The following DRAXIN variants were observed in gnomAD, a reference collection of about 807,000 sequenced individuals.
The protein encoded by DRAXIN is dorsal repulsive axon guidance protein.
DRAXIN carries 27 observed loss-of-function variants against 33.9 expected under a neutral mutation model. The ratio of observed to expected loss-of-function variants is 0.80; its 90% CI spans 0.59 to 1.10. The LOEUF is 1.10. DRAXIN is among the 50% of genes least tolerant of loss of function. DRAXIN has a pLI of 0.00. For synonymous variants in DRAXIN, 178 were observed against 194.0 expected (o/e 0.92, Z 0.69); for missense variants, 371 against 460.8 (o/e 0.81, Z 1.78).
chr1:11,701,286 A>G (rs1284088851), intron 1 of DRAXIN, among the ~76,000 whole-genome samples: 1 of 152,212 alleles, frequency 6.6e-6, no homozygotes, highest in Non-Finnish European at 1.5e-5. Flanking sequence ...GGGTGCCAGG[A>G]GAACCCCGGC....
chr1:11,687,485 C>A (rs576182267), upstream of DRAXIN, among the ~76,000 whole-genome samples: 1 of 152,360 alleles, frequency 6.6e-6, no homozygotes, highest in Non-Finnish European at 1.5e-5. This position sits in a 1 kb window ranked among gnomAD's most constrained non-coding sequence, Gnocchi z 4.1. Flanking sequence ...GGTGACCCAC[C>A]TACCTTGGCC....
intron 1 of DRAXIN, among the ~76,000 whole-genome samples, chr1:11,697,356 G>A (rs991652785): frequency 6.6e-6 from 1 of 152,248 alleles, no homozygotes; most frequent in Non-Finnish European, 1.5e-5. Context: ...CAGATCAGCA[G>A]CTCCATGTTC....
chr1:11,719,470 T>C lies in DRAXIN; in HGVS notation c.938-114T>C, dbSNP rs970641984. ...GGGCTGCCGTGAGGAAGCTGGGTTGTAGGGCAGAATAATGAAGGCAGGAGG... is the reference window on the plus strand; with the variant it reads ...GGGCTGCCGTGAGGAAGCTGGGTTGCAGGGCAGAATAATGAAGGCAGGAGG... On this transcript the variant is annotated intron_variant, in intron 6 of 6. Coordinates refer to ENST00000294485, the MANE Select transcript of DRAXIN (RefSeq NM_198545.4). The C allele has an allele frequency of 7.9e-6, 7 of 885,368 alleles. No homozygotes were observed. The African/African-American group carries it at 1.2e-4, about 15-fold the overall frequency. The allele number at this position is 885,368 out of a possible 1,614,324, so 54.8% of individuals were successfully genotyped here. A position where few individuals can be genotyped will look rare whatever the true frequency, so the allele number is the denominator to read the frequency against.
chr1:11,697,416 T>C (rs1315687848), intron 1 of DRAXIN, among the ~76,000 whole-genome samples: 2 of 152,186 alleles, frequency 1.3e-5, no homozygotes, highest in African/African-American at 4.8e-5. Flanking sequence ...GATTGGCAAA[T>C]TCCTGAGGAC....
Position 11,725,316 on chromosome 1 carries a change from A to AAAAAAAGAC in DRAXIN, c.*5627_*5635dup, listed in dbSNP as rs1641729157. 6.6e-6 allele frequency: 1 copy of AAAAAAAGAC among 151,280 alleles called. No individual in the cohort carries two copies. The highest frequency in any genetic ancestry group is 6.6e-5 in the Admixed American group (1 of 15,244). The allele number at this position is 151,280 out of a possible 1,614,324, so 9.4% of individuals were successfully genotyped here. On this transcript the variant is annotated 3_prime_UTR_variant, in exon 7 of 7. Coordinates refer to ENST00000294485, the MANE Select transcript of DRAXIN (RefSeq NM_198545.4). ...AGGCAATACAGCGAGACCTTGTCTC[A>AAAAAAAGAC]AAAAAAGACAAAAAAAACAAAAAGA...
chr1:11,706,535 G>A lies in DRAXIN; in HGVS notation c.277G>A (p.Ala93Thr). 2 of 1,611,500 alleles carry A rather than the reference G, an allele frequency of 1.2e-6. No homozygotes were observed. Among genetic ancestry groups the A allele is most frequent in the Non-Finnish European group, 1.7e-6 (2 of 1,179,228 alleles). ...CAGGCAGGCCTCCAGGCTGCCAGAGGCTGAGGGGCTGCTGCCTGAGCAGAG... is the reference window on the plus strand; with the variant it reads ...CAGGCAGGCCTCCAGGCTGCCAGAGACTGAGGGGCTGCTGCCTGAGCAGAG... Reference protein sequence around the residue: ...ATRQASRLPEAEGLLPEQSPA... With the variant: ...ATRQASRLPETEGLLPEQSPA... Residue 93 changes from alanine (A) to threonine (T), a missense_variant, in exon 2 of 7, where the codon GCT (alanine) becomes ACT (threonine). Physicochemically the swap from Ala to Thr is moderately conservative, Grantham distance 58 (BLOSUM62 0). Coordinates refer to ENST00000294485, the MANE Select transcript of DRAXIN (RefSeq NM_198545.4). The surrounding 1 kb of genome is among the most constrained non-coding windows in gnomAD (Gnocchi z 5.5).
chr1:11,718,670 G>A (rs1641616088), intron 6 of DRAXIN, among the ~76,000 whole-genome samples: 2 of 152,096 alleles, frequency 1.3e-5, no homozygotes, highest in African/African-American at 4.8e-5. Context: ...GTCTCCCTAT[G>A]TTGCTTAGGC....
chr1:11,710,938 T>G (rs1252836376), intron 3 of DRAXIN, among the ~76,000 whole-genome samples: 103 of 76,754 alleles, frequency 1.3e-3, no homozygotes, highest in African/African-American at 1.6e-3. Context: ...AAAAAAAAGG[T>G]TTTCAAACTA....
chr1:11,692,126 C>T lies in DRAXIN; in HGVS notation c.-11+273C>T, dbSNP rs965025478. ...CTACCGCTGGACGCCCACTTTTCCA[C>T]GCTCTGACACTCGGCCTCGCGCGCG... On this transcript the variant is annotated intron_variant, in intron 1 of 6. Transcript: ENST00000294485. This position sits in a 1 kb window ranked among gnomAD's most constrained non-coding sequence, Gnocchi z 5.8. Among the ~76,000 whole-genome samples, 4 of 152,114 alleles carry T rather than the reference C, an allele frequency of 2.6e-5. No homozygotes were observed. Among genetic ancestry groups the T allele is most frequent in the African/African-American group, 7.2e-5 (3 of 41,438 alleles).
chr1:11,715,721 G>A (rs745372752), intron 6 of DRAXIN, among the ~76,000 whole-genome samples: 63 of 152,266 alleles, frequency 4.1e-4, no homozygotes, highest in Non-Finnish European at 1.9e-4. Context: ...AGTGTGCTGG[G>A]CTCTGTGCTG....
rs1424047639 is a variant in DRAXIN at position 11,719,871 on chromosome 1, A to T, written c.*175A>T. The T allele has an allele frequency of 3.2e-6, 2 of 619,476 alleles. No individual in the cohort carries two copies. The highest frequency in any genetic ancestry group is 5.7e-5 in the East Asian group (2 of 35,278). 38.4% of individuals were successfully genotyped at this position (619,476 alleles called of 1,614,324 possible). ...CGGCGAATGAGCTGGGTGGGTGCCC[A>T]GGAGCCGGCCCGCAGCACCTGCACA... On this transcript the variant is annotated 3_prime_UTR_variant, in exon 7 of 7. Coordinates refer to ENST00000294485, the MANE Select transcript of DRAXIN (RefSeq NM_198545.4).
At position 11,715,130 on chromosome 1, in the gene DRAXIN, G is replaced by A. The variant is rs146833209; in HGVS notation, c.859G>A (p.Asp287Asn). The A allele has an allele frequency of 3.2e-5, 52 of 1,614,132 alleles. No individual in the cohort carries two copies. Among genetic ancestry groups the A allele is most frequent in the African/African-American group, 4.0e-5 (3 of 74,958 alleles). ...CTCTGTGTTGGCAGGGACTTGCTGCGACCTGCGGGAGCATCTCTGCACACC... is the reference window on the plus strand; with the variant it reads ...CTCTGTGTTGGCAGGGACTTGCTGCAACCTGCGGGAGCATCTCTGCACACC... ...HQDCLPGTCCDLREHLCTPHN... is the reference protein window; with the variant it reads ...HQDCLPGTCCNLREHLCTPHN... Residue 287 changes from aspartate (D) to asparagine (N), a missense_variant, in exon 6 of 7, where the codon GAC (aspartate) becomes AAC (asparagine). Asp to Asn is a conservative substitution (Grantham distance 23). Coordinates refer to ENST00000294485, the MANE Select transcript of DRAXIN (RefSeq NM_198545.4).
chr1:11,713,475 G>A (rs1266116828), intron 5 of DRAXIN, among the ~76,000 whole-genome samples: 5 of 152,322 alleles, frequency 3.3e-5, no homozygotes, highest in Admixed American at 3.3e-4. Flanking sequence ...CTCACTGTTC[G>A]GCAGCCGTCT....
At position 11,712,350 on chromosome 1, in the gene DRAXIN, C is replaced by T. The variant is rs137862674; in HGVS notation, c.768C>T (p.Arg256=). 20 of 1,613,928 alleles carry T rather than the reference C, an allele frequency of 1.2e-5. No individual in the cohort carries two copies. Among genetic ancestry groups the T allele is most frequent in the Admixed American group, 8.3e-5 (5 of 59,986 alleles). Residue 256 remains arginine, a synonymous_variant, in exon 5 of 7, where the codon CGC becomes CGT. Coordinates refer to ENST00000294485, the MANE Select transcript of DRAXIN (RefSeq NM_198545.4). ...WPSAKKKEKH[R]GKLSSDGNET... is the part of the protein sequence containing the mutation. ...TCTTCTTATCCCCAGAGAAACACCG[C>T]GGTAAACTCTCCAGTGATGGTAACG...
chr1:11,687,334 G>A (rs1011691558), upstream of DRAXIN, among the ~76,000 whole-genome samples: 6 of 152,256 alleles, frequency 3.9e-5, no homozygotes, highest in African/African-American at 4.8e-5. This position sits in a 1 kb window ranked among gnomAD's most constrained non-coding sequence, Gnocchi z 4.1. Flanking sequence ...CTGCCTCCCC[G>A]ATTCAAGCGA....
Position 11,724,814 on chromosome 1 carries a change from G to A in DRAXIN, c.*5118G>A, listed in dbSNP as rs1641715627. 6.6e-6 allele frequency: 1 copy of A among 152,382 alleles called. No homozygotes were observed. Among genetic ancestry groups the A allele is most frequent in the African/African-American group, 2.4e-5 (1 of 41,466 alleles). 9.4% of individuals were successfully genotyped at this position (152,382 alleles called of 1,614,324 possible). ...TGGCTCCTCACTGGGGGTTTCACGGGGTTGGACTGAGCCCTGTCACCTCTG... is the reference window on the plus strand; with the variant it reads ...TGGCTCCTCACTGGGGGTTTCACGGAGTTGGACTGAGCCCTGTCACCTCTG... On this transcript the variant is annotated 3_prime_UTR_variant, in exon 7 of 7. Coordinates refer to ENST00000294485, the MANE Select transcript of DRAXIN (RefSeq NM_198545.4).
chr1:11,699,921 A>G (rs945243133), intron 1 of DRAXIN, among the ~76,000 whole-genome samples: 4 of 114,900 alleles, frequency 3.5e-5, no homozygotes, highest in Non-Finnish European at 7.2e-5. Flanking sequence ...AGCGAGACTC[A>G]CTCTCAATAA....
At chr1:11,719,491 G>A (rs1432448159) in intron 6 of DRAXIN, 93 bp from the exon 7 acceptor site, 1 of 1,106,332 alleles carries the variant, frequency 9.0e-7, no homozygotes, top group Non-Finnish European at 1.3e-6. Context: ...AATGAAGGCA[G>A]GAGGGAGCTG....
chr1:11,702,154 T>G (rs1348941558), intron 1 of DRAXIN, among the ~76,000 whole-genome samples: 1 of 142,236 alleles, frequency 7.0e-6, no homozygotes, highest in Non-Finnish European at 1.5e-5. Flanking sequence ...CCCACACACA[T>G]TCACGCTCAC....
Sources: gnomAD v4.1 joint callset for allele counts (sites outside exome capture counted in the v4.1 genomes callset) on GRCh38, gnomAD v4.1.1 for gene constraint, Gnocchi (gnomAD v3.1) non-coding constraint, MANE v1.5 for transcripts, NCBI Gene and HGNC (gene_info 2026-07-23, HGNC 2026-07-21) for gene names.